MICAL2: variants seen among roughly 807,000 people sequenced by gnomAD.
The protein encoded by MICAL2 is microtubule associated monooxygenase, calponin and LIM domain containing 2, also known as [F-actin]-monooxygenase MICAL2.
A neutral mutation model predicts 127.3 loss-of-function variants in MICAL2; 77 were observed. That is an observed-to-expected ratio of 0.60 (90% CI 0.50 to 0.73). The LOEUF is 0.73. Among genes scored for constraint, MICAL2 ranks in the 30% least tolerant of loss-of-function variants. MICAL2 has a pLI of 0.00. For synonymous variants in MICAL2, 570 were observed against 551.1 expected (o/e 1.03, Z -0.48); for missense variants, 1,351 against 1,434.4 (o/e 0.94, Z 0.94).
At chr11:12,155,396 C>T (rs1192418741) in intron 2 of MICAL2, among the ~76,000 whole-genome samples, 2 of 152,138 alleles carry the variant, frequency 1.3e-5, no homozygotes, top group Admixed American at 6.5e-5. Context: ...AATACACATA[C>T]ATATGTGCTC....
downstream of MICAL2, among the ~76,000 whole-genome samples, chr11:12,266,938 A>G (rs1439416924): frequency 2.0e-5 from 3 of 152,230 alleles, no homozygotes; most frequent in African/African-American, 7.2e-5. Flanking sequence ...CTTGCACAGC[A>G]TAGAGCGCCC....
chr11:12,338,790 TC>T (rs1434516806), intron 32 of MICAL2, among the ~76,000 whole-genome samples: 5 of 152,366 alleles, frequency 3.3e-5, no homozygotes, highest in South Asian at 2.1e-4. Context: ...GCCCCTACTC[TC>T]TTCTGGCTTG....
intron 2 of MICAL2, among the ~76,000 whole-genome samples, chr11:12,281,380 C>T (rs967348916): frequency 3.9e-5 from 6 of 152,158 alleles, no homozygotes; most frequent in Non-Finnish European, 7.4e-5. Flanking sequence ...GGATCAGGGG[C>T]CCGCAGGTCT....
intron 1 of MICAL2, among the ~76,000 whole-genome samples, chr11:12,128,730 C>A (rs1249264923): frequency 6.6e-6 from 1 of 152,204 alleles, no homozygotes; most frequent in Non-Finnish European, 1.5e-5. Flanking sequence ...CTATCTGAAA[C>A]CCATTTTGGT....
intron 9 of MICAL2, among the ~76,000 whole-genome samples, chr11:12,221,342 A>G (rs1006540359): frequency 6.6e-6 from 1 of 152,102 alleles, no homozygotes; most frequent in Admixed American, 6.5e-5. Context: ...GCTTAATGCA[A>G]CTCTTAAGAA....
At chr11:12,281,308 G>C (rs1863768402) in intron 2 of MICAL2, among the ~76,000 whole-genome samples, 1 of 152,228 alleles carries the variant, frequency 6.6e-6, no homozygotes, top group South Asian at 2.1e-4. Context: ...GAGAAGCTTT[G>C]GAATCCCAGT....
At chr11:12,145,034 C>T (rs1351934598) in intron 2 of MICAL2, among the ~76,000 whole-genome samples, 1 of 152,210 alleles carries the variant, frequency 6.6e-6, no homozygotes, top group Admixed American at 6.5e-5. Context: ...CTTCTCAGCC[C>T]ACATCCTGAT....
At chr11:12,209,330 C>T (rs547421813) in intron 5 of MICAL2, among the ~76,000 whole-genome samples, 167 bp from the exon 6 acceptor site, 2 of 152,262 alleles carry the variant, frequency 1.3e-5, no homozygotes, top group African/African-American at 4.8e-5. Flanking sequence ...CAGAGGACAC[C>T]AGATTAGAGA....
At chr11:12,146,006 C>T (rs1324969393) in intron 2 of MICAL2, among the ~76,000 whole-genome samples, 2 of 152,142 alleles carry the variant, frequency 1.3e-5, no homozygotes, top group Non-Finnish European at 2.9e-5. Context: ...ATTTAGAAAT[C>T]GTGATGTGTA....
At chr11:12,295,691 C>G (rs931196434), downstream of MICAL2, among the ~76,000 whole-genome samples, 2 of 151,926 alleles carry the variant, frequency 1.3e-5, no homozygotes, top group African/African-American at 4.8e-5. Flanking sequence ...GCCACTATGC[C>G]TAGCCAAAAA....
intron 29 of MICAL2, among the ~76,000 whole-genome samples, chr11:12,318,301 A>G (rs564431433): frequency 6.6e-6 from 1 of 152,232 alleles, no homozygotes; most frequent in African/African-American, 2.4e-5. Context: ...CTCAGTGGTC[A>G]TTTAGTGGCT....
downstream of MICAL2, among the ~76,000 whole-genome samples, chr11:12,290,177 TC>T (rs1303664028): frequency 6.6e-6 from 1 of 152,114 alleles, no homozygotes; most frequent in African/African-American, 2.4e-5. Flanking sequence ...GGGCTTTGCT[TC>T]CCCCATCTCC....
intron 13 of MICAL2, 110 bp downstream of exon 13, chr11:12,224,930 T>C (rs1274116849): frequency 2.2e-6 from 3 of 1,345,012 alleles, no homozygotes; most frequent in Non-Finnish European, 3.0e-6. Flanking sequence ...GTGTTTCAAT[T>C]TGAGATTTTT....
chr11:12,171,357 G>A (rs1224832857), intron 3 of MICAL2, among the ~76,000 whole-genome samples: 1 of 152,208 alleles, frequency 6.6e-6, no homozygotes, highest in Non-Finnish European at 1.5e-5. Context: ...CCATGAAGCA[G>A]TTTAACGCTC....
At chr11:12,147,655 G>C (rs998758707) in intron 2 of MICAL2, among the ~76,000 whole-genome samples, 1 of 152,258 alleles carries the variant, frequency 6.6e-6, no homozygotes, top group African/African-American at 2.4e-5. Context: ...TGTGACCTGT[G>C]TGGGAACTCT....
intron 3 of MICAL2, among the ~76,000 whole-genome samples, chr11:12,182,695 G>A (rs769701333): frequency 2.6e-5 from 4 of 152,120 alleles, no homozygotes; most frequent in Non-Finnish European, 5.9e-5. Context: ...GTCAGAGGTG[G>A]TGTCGTAATG....
chr11:12,212,313 T>G (rs1229536026), intron 6 of MICAL2, among the ~76,000 whole-genome samples: 2 of 151,768 alleles, frequency 1.3e-5, no homozygotes, highest in Non-Finnish European at 2.9e-5. Context: ...CCACAAACAC[T>G]TAAAAAAAAA....
chr11:12,111,219 GGGCCAAATGTCAGT>G (rs1849580755), intron 1 of MICAL2, among the ~76,000 whole-genome samples: 1 of 152,298 alleles, frequency 6.6e-6, no homozygotes, highest in South Asian at 2.1e-4. Flanking sequence ...AAGTTAAGTT[GGGCCAAATGTCAGT>G]GGCCTGGCTG....
At chr11:12,341,763 T>A (rs1332503293) in intron 32 of MICAL2, among the ~76,000 whole-genome samples, 1 of 151,708 alleles carries the variant, frequency 6.6e-6, no homozygotes, top group Non-Finnish European at 1.5e-5. Context: ...GGAGGTGGAG[T>A]TTGTGGTGGG....
Sources: allele counts gnomAD v4.1 joint callset (sites outside exome capture counted in the v4.1 genomes callset), GRCh38; gene constraint gnomAD v4.1.1; transcripts MANE v1.5; gene names NCBI Gene and HGNC (gene_info 2026-07-23, HGNC 2026-07-21).